DMTF1: variants seen among roughly 807,000 people sequenced by gnomAD.
DMTF1 encodes cyclin-D-binding Myb-like transcription factor 1.
A neutral mutation model predicts 91.1 loss-of-function variants in DMTF1; 39 were observed. The ratio of observed to expected loss-of-function variants is 0.43; its 90% CI spans 0.33 to 0.56. The LOEUF (loss-of-function observed/expected upper bound fraction) is 0.56, where lower values mean the gene tolerates loss of function less well. Among genes scored for constraint, DMTF1 ranks in the 20% least tolerant of loss-of-function variants. DMTF1 has a pLI of 0.05. For missense variants in DMTF1, 750 were observed against 914.5 expected (o/e 0.82, Z 2.32); for synonymous variants, 338 against 309.5 (o/e 1.09, Z -0.97).
intron 7 of DMTF1, among the ~76,000 whole-genome samples, chr7:87,175,965 C>T (rs1016098263): frequency 6.6e-6 from 1 of 152,160 alleles, no homozygotes; most frequent in African/African-American, 2.4e-5. Flanking sequence ...TTTCTAGAGA[C>T]TTGCTGGCCA....
At chr7:87,171,349 T>A (rs796986869) in intron 5 of DMTF1, among the ~76,000 whole-genome samples, 10 of 152,330 alleles carry the variant, frequency 6.6e-5, no homozygotes, top group African/African-American at 2.4e-4. Context: ...TCATAATAAT[T>A]TCTAGTATTT....
At chr7:87,170,139 G>T (rs935648947) in intron 4 of DMTF1, among the ~76,000 whole-genome samples, 1 of 151,948 alleles carries the variant, frequency 6.6e-6, no homozygotes, top group Non-Finnish European at 1.5e-5. Flanking sequence ...AAAATTTAAC[G>T]TTATCCTTGG....
chr7:87,179,273 T>C (rs749524802), intron 7 of DMTF1, among the ~76,000 whole-genome samples: 7 of 152,142 alleles, frequency 4.6e-5, no homozygotes, highest in Non-Finnish European at 1.0e-4. Flanking sequence ...CTGCTTTCTT[T>C]AGATCTATTT....
chr7:87,176,803 T>A (rs1026442021), intron 7 of DMTF1, among the ~76,000 whole-genome samples: 27 of 152,206 alleles, frequency 1.8e-4, no homozygotes, highest in African/African-American at 6.3e-4. Flanking sequence ...TATTATGTGG[T>A]GCTCTTCTAA....
intron 1 of DMTF1, chr7:87,152,873 G>A (rs1325972803): frequency 6.4e-6 from 1 of 155,130 alleles, no homozygotes; most frequent in African/African-American, 2.4e-5. Context: ...GAGCTAAATG[G>A]CGCCGGGACC....
chr7:87,165,060 C>T lies in DMTF1; in HGVS notation c.109+10C>T. The T allele has an allele frequency of 6.3e-7, 1 of 1,576,580 alleles. No homozygotes were observed. Among genetic ancestry groups the T allele is most frequent in the East Asian group, 2.2e-5 (1 of 44,470 alleles). ...CACTGCCCTCAGAATGGTAGGAGAA[C>T]TTGCTGACATATAATTCTGACTCTC... On this transcript the variant is annotated intron_variant, in intron 3 of 17. Transcript: ENST00000331242.
chr7:87,166,794 T>C (rs1256432367), intron 4 of DMTF1, among the ~76,000 whole-genome samples, 189 bp downstream of exon 4: 1 of 152,230 alleles, frequency 6.6e-6, no homozygotes, highest in East Asian at 1.9e-4. Flanking sequence ...TTATGTATAT[T>C]GCCTACTTTA....
intron 4 of DMTF1, among the ~76,000 whole-genome samples, chr7:87,170,281 T>A (rs1201198513): frequency 1.3e-5 from 2 of 152,192 alleles, no homozygotes; most frequent in South Asian, 4.1e-4. Context: ...ACCTATCTTT[T>A]TTGCATTTGC....
chr7:87,193,292 C>T lies in DMTF1; in HGVS notation c.1589C>T (p.Thr530Ile), dbSNP rs1234542567. 6.2e-7 allele frequency: 1 copy of T among 1,613,500 alleles called. No individual in the cohort carries two copies. Residue 530 changes from threonine (T) to isoleucine (I), a missense_variant, in exon 15 of 18, where the codon ACA (threonine) becomes ATA (isoleucine). Coordinates refer to ENST00000331242, the MANE Select transcript of DMTF1 (RefSeq NM_001142327.2). ...GLPLTLTASP[T>I]VTLTAAAPAS... is the part of the protein sequence containing the mutation. ...CCCCTAACTCTGACTGCTAGTCCCA[C>T]AGTAACCCTGACAGCTGCTGCTCCT...
intron 4 of DMTF1, among the ~76,000 whole-genome samples, chr7:87,169,500 C>T (rs1177668947): frequency 1.3e-5 from 2 of 152,150 alleles, no homozygotes; most frequent in East Asian, 1.9e-4. Flanking sequence ...TTGGTTCTTA[C>T]TCAATTTTCC....
chr7:87,185,718 G>A, intron 11 of DMTF1, 111 bp from the exon 12 acceptor site: 1 of 1,213,596 alleles, frequency 8.2e-7, no homozygotes, highest in Non-Finnish European at 1.2e-6. Flanking sequence ...GCATCTCATT[G>A]GCATAACCTG....
intron 7 of DMTF1, among the ~76,000 whole-genome samples, chr7:87,178,197 T>C (rs191077603): frequency 6.6e-6 from 1 of 152,236 alleles, no homozygotes; most frequent in African/African-American, 2.4e-5. Context: ...CTTGCCTAAG[T>C]TCTGATGCTC....
intron 6 of DMTF1, among the ~76,000 whole-genome samples, chr7:87,174,382 T>C (rs1795797921): frequency 6.6e-6 from 1 of 152,162 alleles, no homozygotes; most frequent in Non-Finnish European, 1.5e-5. Flanking sequence ...CATTGTCTTT[T>C]TTTAGTAGGG....
intron 8 of DMTF1, 125 bp downstream of exon 8, chr7:87,179,827 A>G: frequency 1.1e-6 from 1 of 889,516 alleles, no homozygotes; most frequent in East Asian, 3.0e-5. Flanking sequence ...TTTATCCTCC[A>G]GGTCCATGTT....
chr7:87,152,586 C>T (rs929649427), intron 1 of DMTF1, 31 bp downstream of exon 1: 4 of 152,726 alleles, frequency 2.6e-5, no homozygotes, highest in African/African-American at 9.6e-5. Flanking sequence ...AGGTTCCAAC[C>T]GCCGCCAGGG....
chr7:87,184,806 CTT>C (rs3214245), intron 11 of DMTF1, 181 bp downstream of exon 11: 144 of 614,532 alleles, frequency 2.3e-4, no homozygotes, highest in Non-Finnish European at 2.9e-4. Flanking sequence ...GTGTTTGTTC[CTT>C]TTTTTTTTTA....
chr7:87,194,378 C>T (rs1326972637), intron 16 of DMTF1: 1 of 444,810 alleles, frequency 2.2e-6, no homozygotes, highest in Non-Finnish European at 4.0e-6. Context: ...CCCATAGAAG[C>T]ATTTTCCTGA....
intron 5 of DMTF1, 41 bp from the exon 6 acceptor site, chr7:87,173,494 T>G: frequency 1.5e-6 from 2 of 1,371,432 alleles, no homozygotes; most frequent in Non-Finnish European, 2.0e-6. Flanking sequence ...CATTTTTTTG[T>G]TTTGTTTTGT....
Position 87,193,733 on chromosome 7 carries a change from TTTG to T in DMTF1, c.1663_1665del (p.Leu555del). ...TCTTTAATGTTTTATAGCCAGAACA[TTTG>T]TTGAACACAAGTGATAATGTTACAG... is the stretch of plus-strand genomic sequence containing the variant. On this transcript the variant is annotated inframe_deletion, in exon 16 of 18. Coordinates refer to ENST00000331242, the MANE Select transcript of DMTF1 (RefSeq NM_001142327.2). The T allele has an allele frequency of 1.3e-6, 2 of 1,596,174 alleles. No homozygotes were observed. Among genetic ancestry groups the T allele is most frequent in the African/African-American group, 2.7e-5 (2 of 74,284 alleles).
Sources: allele counts gnomAD v4.1 joint callset (sites outside exome capture counted in the v4.1 genomes callset), GRCh38; gene constraint gnomAD v4.1.1; transcripts MANE v1.5; gene names NCBI Gene and HGNC (gene_info 2026-07-23, HGNC 2026-07-21).